The following SPIDR variants were observed in gnomAD, a reference collection of about 807,000 sequenced individuals.
The protein encoded by SPIDR is DNA repair-scaffolding protein.
In SPIDR, 93 loss-of-function variants were observed where a neutral mutation model predicts 104.6. That is an observed-to-expected ratio of 0.89 (90% CI 0.75 to 1.06). The LOEUF is 1.06. SPIDR is among the 50% of genes least tolerant of loss of function. The pLI, the probability that SPIDR is intolerant of heterozygous loss-of-function variation, is 0.00. For missense variants in SPIDR, 1,154 were observed against 1,111.2 expected (o/e 1.04, Z -0.55); for synonymous variants, 431 against 416.9 (o/e 1.03, Z -0.41).
At chr8:47,693,682 T>C (rs954913933) in intron 11 of SPIDR, among the ~76,000 whole-genome samples, 1 of 151,868 alleles carries the variant, frequency 6.6e-6, no homozygotes, top group African/African-American at 2.4e-5. Context: ...CAGCACTAAC[T>C]AAGCCAGAGG....
At chr8:47,678,684 C>A (rs1371518212) in intron 11 of SPIDR, among the ~76,000 whole-genome samples, 1 of 152,108 alleles carries the variant, frequency 6.6e-6, no homozygotes, top group Non-Finnish European at 1.5e-5. Context: ...GAAGGGAGAA[C>A]AAGCTCCCAG....
At chr8:47,297,094 A>T (rs1554573293) in intron 5 of SPIDR, among the ~76,000 whole-genome samples, 1 of 152,204 alleles carries the variant, frequency 6.6e-6, no homozygotes. Flanking sequence ...GAATTTGTTT[A>T]TCAGACTTAA....
intron 8 of SPIDR, among the ~76,000 whole-genome samples, chr8:47,461,927 T>C (rs1006641797): frequency 1.7e-4 from 26 of 152,206 alleles, no homozygotes; most frequent in African/African-American, 6.0e-4. Context: ...ATCAGAGATT[T>C]CTTCTTGGTT....
intron 8 of SPIDR, among the ~76,000 whole-genome samples, chr8:47,512,474 T>C (rs1406343347): frequency 6.6e-6 from 1 of 152,210 alleles, no homozygotes; most frequent in Non-Finnish European, 1.5e-5. Context: ...CTCTCTGTTT[T>C]GGGAGGAAGA....
intron 8 of SPIDR, among the ~76,000 whole-genome samples, chr8:47,583,628 T>G (rs2059972760): frequency 6.6e-6 from 1 of 152,212 alleles, no homozygotes; most frequent in Non-Finnish European, 1.5e-5. Context: ...TAGATAGCAC[T>G]GGTACTATAG....
intron 10 of SPIDR, among the ~76,000 whole-genome samples, chr8:47,656,155 G>T (rs1395657710): frequency 6.6e-6 from 1 of 152,078 alleles, no homozygotes; most frequent in Non-Finnish European, 1.5e-5. Flanking sequence ...TTAGGCAATG[G>T]TTTCTTAGAT....
At chr8:47,290,163 C>A (rs1020307268) in intron 3 of SPIDR, among the ~76,000 whole-genome samples, 1 of 152,042 alleles carries the variant, frequency 6.6e-6, no homozygotes, top group Non-Finnish European at 1.5e-5. Context: ...CCTCAGCCCC[C>A]CCTGAGTAGC....
chr8:47,451,581 A>AACACACACACAC (rs56269650), intron 8 of SPIDR, among the ~76,000 whole-genome samples: 58 of 148,136 alleles, frequency 3.9e-4, no homozygotes, highest in African/African-American at 1.4e-3. Context: ...ACCCTGCCAA[A>AACACACACACAC]ACACACACAC....
intron 10 of SPIDR, among the ~76,000 whole-genome samples, chr8:47,605,419 G>C (rs1280655239): frequency 6.6e-6 from 1 of 152,200 alleles, no homozygotes; most frequent in East Asian, 1.9e-4. Context: ...GGAGAAGCAA[G>C]CTTGGATAAC....
intron 10 of SPIDR, chr8:47,660,805 A>AT (rs1437718266): frequency 3.6e-6 from 1 of 275,788 alleles, no homozygotes; most frequent in Non-Finnish European, 5.5e-6. Flanking sequence ...TAGGCCTTTT[A>AT]TAAAAATGCA....
At chr8:47,411,989 C>G (rs200604481) in intron 7 of SPIDR, among the ~76,000 whole-genome samples, 15 of 152,002 alleles carry the variant, frequency 9.9e-5, no homozygotes, top group Admixed American at 6.6e-4. Flanking sequence ...ATTTCTGAGG[C>G]CTCTGTTCTG....
chr8:47,541,152 G>A (rs991084206), intron 8 of SPIDR, among the ~76,000 whole-genome samples: 2 of 152,170 alleles, frequency 1.3e-5, no homozygotes, highest in Non-Finnish European at 1.5e-5. Context: ...GAGCCACTGC[G>A]CCCAACCAAT....
chr8:47,384,122 G>C (rs2059622336), intron 5 of SPIDR, among the ~76,000 whole-genome samples: 1 of 152,146 alleles, frequency 6.6e-6, no homozygotes, highest in African/African-American at 2.4e-5. Context: ...TTTCCCTACT[G>C]AATTCTTAGG....
chr8:47,512,136 C>T (rs546711460), intron 8 of SPIDR: 16 of 445,164 alleles, frequency 3.6e-5, no homozygotes, highest in African/African-American at 1.8e-4. Context: ...TCTGTTGCTC[C>T]GCTGCCGTCT....
chr8:47,615,630 A>G (rs1446765408), intron 10 of SPIDR, among the ~76,000 whole-genome samples: 2 of 151,930 alleles, frequency 1.3e-5, no homozygotes, highest in Non-Finnish European at 1.5e-5. Flanking sequence ...ACACACTGTA[A>G]TGGACATCTC....
intron 10 of SPIDR, among the ~76,000 whole-genome samples, chr8:47,666,536 ATGT>A (rs1165377918): frequency 1.3e-5 from 2 of 152,170 alleles, no homozygotes; most frequent in African/African-American, 2.4e-5. Flanking sequence ...TGCTTATTTA[ATGT>A]TGTATGGTTT....
At chr8:47,284,216 A>G (rs1405279079) in intron 3 of SPIDR, 122 bp downstream of exon 3, 8 of 660,772 alleles carry the variant, frequency 1.2e-5, no homozygotes, top group Middle Eastern at 3.1e-4. Context: ...ATTCATAGTT[A>G]AAAAACATCA....
intron 10 of SPIDR, chr8:47,659,766 G>T (rs990683419): frequency 3.2e-5 from 31 of 974,382 alleles, no homozygotes; most frequent in African/African-American, 3.5e-5. Context: ...TGATTTCTTG[G>T]TTTTTTTCCT....
At chr8:47,359,245 T>C (rs2055214872) in intron 5 of SPIDR, among the ~76,000 whole-genome samples, 1 of 134,526 alleles carries the variant, frequency 7.4e-6, no homozygotes, top group Non-Finnish European at 1.6e-5. Context: ...AGAGCGAGAC[T>C]CCGTCTCAAA....
Sources: allele counts gnomAD v4.1 joint callset (sites outside exome capture counted in the v4.1 genomes callset), GRCh38; gene constraint gnomAD v4.1.1; transcripts MANE v1.5; gene names NCBI Gene and HGNC (gene_info 2026-07-23, HGNC 2026-07-21).